The following DNAH2 variants were observed in gnomAD, a reference collection of about 807,000 sequenced individuals.
The protein encoded by DNAH2 is dynein axonemal heavy chain 2.
A neutral mutation model predicts 523.5 loss-of-function variants in DNAH2; 323 were observed. The ratio of observed to expected loss-of-function variants is 0.62; its 90% CI spans 0.56 to 0.68. The LOEUF (loss-of-function observed/expected upper bound fraction) is 0.68, where lower values mean the gene tolerates loss of function less well. Among genes scored for constraint, DNAH2 ranks in the 30% least tolerant of loss-of-function variants. The probability of loss-of-function intolerance (pLI) is 0.00; values close to 1 mark genes in which losing one functional copy is unlikely to be tolerated. For synonymous variants in DNAH2, 2,093 were observed against 2,177.4 expected (o/e 0.96, Z 1.08); for missense variants, 4,907 against 5,701.5 (o/e 0.86, Z 4.49).
intron 48 of DNAH2, 109 bp from the exon 49 acceptor site, chr17:7,794,145 G>T: frequency 3.0e-6 from 2 of 666,556 alleles, no homozygotes; most frequent in Non-Finnish European, 4.8e-6. Context: ...CTTCCCCTTT[G>T]TCCCTCCTCG....
At chr17:7,802,724 C>T (rs1279794708) in intron 58 of DNAH2, among the ~76,000 whole-genome samples, 2 of 151,610 alleles carry the variant, frequency 1.3e-5, no homozygotes, top group Non-Finnish European at 2.9e-5. Context: ...AGTGCAGTGG[C>T]GCAGTCTTGG....
In DNAH2 at chr17:7,798,097, C is replaced by T. The variant is rs1464908157; in HGVS notation, c.8231-60C>T. Reference sequence around the variant, plus strand: ...GGGGCCCCAATCCCTAGCCTAGGGCCTGGAGGTCCCCTGAGTTTGCTCAGC... The same window carrying T: ...GGGGCCCCAATCCCTAGCCTAGGGCTTGGAGGTCCCCTGAGTTTGCTCAGC... On this transcript the variant is annotated intron_variant, in intron 53 of 85. Coordinates refer to ENST00000572933, the MANE Select transcript of DNAH2 (RefSeq NM_020877.5). The surrounding 1 kb of genome is among the most constrained non-coding windows in gnomAD (Gnocchi z 5.5). 2.0e-6 allele frequency: 3 copies of T among 1,525,796 alleles called. No individual in the cohort carries two copies. In the African/African-American group the frequency reaches 4.1e-5, roughly 21 times the overall value. The allele number at this position is 1,525,796 out of a possible 1,614,324, so 94.5% of individuals were successfully genotyped here. A position where few individuals can be genotyped will look rare whatever the true frequency, so the allele number is the denominator to read the frequency against.
chr17:7,778,494 A>T (rs753922641), intron 35 of DNAH2, 25 bp downstream of exon 35: 1 of 1,582,380 alleles, frequency 6.3e-7, no homozygotes, highest in Non-Finnish European at 8.6e-7. Context: ...ACCCTGTGCC[A>T]GAAGCCCCTT....
intron 77 of DNAH2, among the ~76,000 whole-genome samples, chr17:7,826,297 G>A (rs1268517865): frequency 6.6e-6 from 1 of 152,120 alleles, no homozygotes; most frequent in African/African-American, 2.4e-5. Flanking sequence ...TGGGATTACA[G>A]GGATTACAGG....
At position 7,821,135 on chromosome 17, in the gene DNAH2, G is replaced by T. The variant is rs1255432709; in HGVS notation, c.11016-108G>T. On this transcript the variant is annotated intron_variant, in intron 72 of 85. Coordinates refer to ENST00000572933, the MANE Select transcript of DNAH2 (RefSeq NM_020877.5). This position sits in a 1 kb window ranked among gnomAD's most constrained non-coding sequence, Gnocchi z 5.0. ...TCCAGGAGGTTAGGATTAGAGGCTG[G>T]TGAGGTCCTCTGTGTGAAGCTGTGT... 1 of 1,459,814 alleles carries T rather than the reference G, an allele frequency of 6.9e-7. No homozygotes were observed. The highest frequency in any genetic ancestry group is 1.4e-5 in the African/African-American group (1 of 71,132). 90.4% of individuals were successfully genotyped at this position (1,459,814 alleles called of 1,614,324 possible). A position where few individuals can be genotyped will look rare whatever the true frequency, so the allele number is the denominator to read the frequency against.
chr17:7,754,308 C>A lies in DNAH2; in HGVS notation c.1905-2783C>A, dbSNP rs997550331. 15 of 381,494 alleles carry A rather than the reference C, an allele frequency of 3.9e-5. No homozygotes were observed. Among genetic ancestry groups the A allele is most frequent in the Non-Finnish European group, 6.5e-5 (14 of 215,012 alleles). 23.6% of individuals were successfully genotyped at this position (381,494 alleles called of 1,614,324 possible). ...GTATAGGAGAGCTGGAAGAGGGCATCTGAAAGGGAAAGGAAGTTATACTAG... is the reference window on the plus strand; with the variant it reads ...GTATAGGAGAGCTGGAAGAGGGCATATGAAAGGGAAAGGAAGTTATACTAG... On this transcript the variant is annotated intron_variant, in intron 12 of 85. Coordinates refer to ENST00000572933, the MANE Select transcript of DNAH2 (RefSeq NM_020877.5). The surrounding 1 kb of genome is among the most constrained non-coding windows in gnomAD (Gnocchi z 4.6).
chr17:7,824,543 G>A lies in DNAH2; in HGVS notation c.11669G>A (p.Trp3890Ter). Residue 3890 changes from tryptophan to a stop codon, truncating the protein, a stop_gained, in exon 77 of 86, where the codon TGG (tryptophan) becomes TAG (stop). Transcript: ENST00000572933. LOFTEE classifies it high-confidence loss of function. ...LLREGVTQGH[W>*]VFLANCHLSL... Reference sequence around the variant, plus strand: ...CCCTGGCATCTCCTTGCAGGACACTGGGTGTTCCTGGCAAACTGCCACCTG... The same window carrying A: ...CCCTGGCATCTCCTTGCAGGACACTAGGTGTTCCTGGCAAACTGCCACCTG... 6.4e-7 allele frequency: 1 copy of A among 1,560,470 alleles called. No individual in the cohort carries two copies. The highest frequency in any genetic ancestry group is 8.7e-7 in the Non-Finnish European group (1 of 1,145,236).
At chr17:7,814,372 CA>C (rs1309116834) in intron 63 of DNAH2, among the ~76,000 whole-genome samples, 1 of 151,680 alleles carries the variant, frequency 6.6e-6, no homozygotes, top group Non-Finnish European at 1.5e-5. Flanking sequence ...GATATTTTGG[CA>C]AAAAACAAGT....
Position 7,781,047 on chromosome 17 carries a change from G to A in DNAH2, c.6009G>A (p.Leu2003=), listed in dbSNP as rs1319110475. 1.9e-6 allele frequency: 3 copies of A among 1,614,088 alleles called. No homozygotes were observed. Among genetic ancestry groups the A allele is most frequent in the Non-Finnish European group, 2.5e-6 (3 of 1,180,042 alleles). ...CTCTGTCTTTTCCCATTCAGGTTCT[G>A]CTGCTCTCAATGAGAGATATGAACA... is the stretch of plus-strand genomic sequence containing the variant. The part of the protein sequence containing the change: ...LQPDLTDEEV[L]LLSMRDMNIA... The change falls in exon 39 of 86, where the codon CTG becomes CTA. Residue 2003 remains leucine, a synonymous_variant. Transcript: ENST00000572933.
At position 7,816,399 on chromosome 17, in the gene DNAH2, C is replaced by T. The variant is rs529526523; in HGVS notation, c.9730-172C>T. 1.8e-3 allele frequency among the ~76,000 whole-genome samples: 269 copies of T among 152,290 alleles called. 2 individuals carry two copies. Among genetic ancestry groups the T allele is most frequent in the African/African-American group, 6.2e-3 (258 of 41,546 alleles). On this transcript the variant is annotated intron_variant, in intron 63 of 85. Coordinates refer to ENST00000572933, the MANE Select transcript of DNAH2 (RefSeq NM_020877.5). Reference sequence around the variant, plus strand: ...CGTATTTTATCTCATTTACTCTTCACGATAACCCTATAGGGTAGGTATTCT... The same window carrying T: ...CGTATTTTATCTCATTTACTCTTCATGATAACCCTATAGGGTAGGTATTCT...
intron 58 of DNAH2, among the ~76,000 whole-genome samples, chr17:7,802,269 ACCATAATATAACTGGAACATTG>A (rs2077244474): frequency 6.6e-6 from 1 of 152,112 alleles, no homozygotes; most frequent in Admixed American, 6.5e-5. Context: ...TCTTTTTCTG[ACCATAATATAACTGGAACATTG>A]CCATAATATA....
At chr17:7,745,793 CAAA>C (rs5819164) in intron 12 of DNAH2, among the ~76,000 whole-genome samples, 21 of 123,748 alleles carry the variant, frequency 1.7e-4, no homozygotes, top group Non-Finnish European at 1.9e-4. Context: ...CTGTCTCAAA[CAAA>C]AAAAAAAAAA....
intron 45 of DNAH2, 84 bp downstream of exon 45, chr17:7,792,153 C>T (rs1413806469): frequency 6.2e-7 from 1 of 1,600,572 alleles, no homozygotes; most frequent in African/African-American, 1.3e-5. Context: ...GCTTGGGTTT[C>T]CCTCTCTCTT....
chr17:7,758,532 T>C lies in DNAH2; in HGVS notation c.2089T>C (p.Phe697Leu). The change falls in exon 14 of 86, where the codon TTC (phenylalanine) becomes CTC (leucine). Residue 697 changes from phenylalanine to leucine, a missense_variant. Phe to Leu is a conservative substitution (Grantham distance 22, BLOSUM62 0). This residue lies in a region of DNAH2 where 2,806 missense variants were observed against 3,190.8 expected (regional missense o/e 0.88). Transcript: ENST00000572933. ...GCTGTCCCCAGATGAGCAGGCCCTA[T>C]TCAAAGAGCGTATTCGGCTCCTGGA... is the stretch of plus-strand genomic sequence containing the variant. ...AMLSPDEQAL[F>L]KERIRLLDKK... The C allele has an allele frequency of 6.2e-7, 1 of 1,614,130 alleles. No individual in the cohort carries two copies.
chr17:7,784,642 T>C (rs1293555709), intron 39 of DNAH2, among the ~76,000 whole-genome samples: 30 of 152,172 alleles, frequency 2.0e-4, no homozygotes. Context: ...TTGATGACTA[T>C]GTAAAGGCCA....
At chr17:7,787,063 T>C (rs1336458964) in intron 42 of DNAH2, 30 bp downstream of exon 42, 2 of 1,611,600 alleles carry the variant, frequency 1.2e-6, no homozygotes, top group African/African-American at 2.7e-5. Context: ...CCTGGAGGCC[T>C]GCAGAGGCAG....
At chr17:7,738,643 A>G (rs1027527205) in intron 8 of DNAH2, among the ~76,000 whole-genome samples, 8 of 151,950 alleles carry the variant, frequency 5.3e-5, no homozygotes, top group Non-Finnish European at 8.8e-5. Flanking sequence ...TTCTTATTTT[A>G]ATAATCTCTC....
chr17:7,758,362 TACTAGTCTAGAATCTAGTCTAGAATCTAG>T (rs1360849432), intron 13 of DNAH2, 104 bp from the exon 14 acceptor site: 5 of 1,159,342 alleles, frequency 4.3e-6, no homozygotes, highest in East Asian at 2.4e-5. Context: ...CTTTTGGAAG[TACTAGTCTAGAATCTAGTCTAGAATCTAG>T]ACTAGTGGTC....
At chr17:7,793,685 G>A (rs931684464) in intron 48 of DNAH2, among the ~76,000 whole-genome samples, 1 of 151,752 alleles carries the variant, frequency 6.6e-6, no homozygotes, top group Non-Finnish European at 1.5e-5. Flanking sequence ...GGCTGGTTTT[G>A]AACTCCTGGG....
Sources: gnomAD v4.1 joint callset for allele counts (sites outside exome capture counted in the v4.1 genomes callset) on GRCh38, gnomAD v4.1.1 for gene constraint, gnomAD v4.1.1 regional missense constraint, Gnocchi (gnomAD v3.1) non-coding constraint, MANE v1.5 for transcripts, NCBI Gene and HGNC (gene_info 2026-07-23, HGNC 2026-07-21) for gene names.